Variants in RNF212 observed in about 807,000 individuals in gnomAD.
RNF212 encodes the protein probable E3 SUMO-protein ligase RNF212.
Under a neutral mutation model 34.7 loss-of-function variants are expected in RNF212, and 33 were observed. That is an observed-to-expected ratio of 0.95 (90% CI 0.72 to 1.27). The LOEUF (loss-of-function observed/expected upper bound fraction) is 1.27, where lower values mean the gene tolerates loss of function less well. Ranked by LOEUF, RNF212 falls within the 50% of genes most tolerant of loss-of-function variation. The pLI, the probability that RNF212 is intolerant of heterozygous loss-of-function variation, is 0.00. For missense variants in RNF212, 377 were observed against 362.2 expected (o/e 1.04, Z -0.33); for synonymous variants, 140 against 136.1 (o/e 1.03, Z -0.20).
At chr4:1,062,411 C>T (rs10902752) in intron 3 of RNF212, among the ~76,000 whole-genome samples, 123,147 of 151,894 alleles carry the variant, frequency 0.81, 50,631 homozygotes, top group African/African-American at 0.94. Context: ...AGAACAAAAC[C>T]CAATAATCAT....
At chr4:1,059,116 C>T (rs1297104335) in intron 3 of RNF212, among the ~76,000 whole-genome samples, 4 of 152,238 alleles carry the variant, frequency 2.6e-5, no homozygotes, top group African/African-American at 9.6e-5. Flanking sequence ...AGCGCAGTGA[C>T]TGTGACTGGC....
rs760557659 is a variant in RNF212, at chr4:1,113,509, C to T, written c.-45G>A. 5.5e-5 allele frequency: 85 copies of T among 1,542,046 alleles called. 1 individual carries two copies. Among genetic ancestry groups the T allele is most frequent in the South Asian group, 2.1e-4 (18 of 87,092 alleles). On this transcript the variant is annotated 5_prime_UTR_variant, in exon 1 of 10. Transcript: ENST00000433731. ...CGGCGAGGCCGGGCCCACGCGAAGC[C>T]CACGCAAGGTTGGGACCAGCCTCCC...
chr4:1,079,136 CCAACACAGGGT>C (rs1351736018), intron 8 of RNF212, among the ~76,000 whole-genome samples: 12 of 151,518 alleles, frequency 7.9e-5, no homozygotes, highest in South Asian at 2.1e-4. Flanking sequence ...CAACATAGGA[CCAACACAGGGT>C]CAACACAGGA....
At chr4:1,105,215 C>T (rs750880705) in intron 2 of RNF212, among the ~76,000 whole-genome samples, 39 of 152,176 alleles carry the variant, frequency 2.6e-4, no homozygotes, top group Non-Finnish European at 4.0e-4. Context: ...GTGTAAAAAC[C>T]GGCCCGGTCT....
intron 5 of RNF212, among the ~76,000 whole-genome samples, chr4:1,083,093 G>A (rs761862843): frequency 5.9e-5 from 9 of 152,196 alleles, no homozygotes; most frequent in African/African-American, 1.7e-4. Context: ...AAATGCAGGC[G>A]ATACCAGGTA....
chr4:1,100,181 T>C, intron 2 of RNF212: 1 of 314,976 alleles, frequency 3.2e-6, no homozygotes, highest in Non-Finnish European at 6.2e-6. Flanking sequence ...TTCAGAATCG[T>C]ACCAGGCTTA....
At chr4:1,085,486 T>C (rs1343341625) in intron 5 of RNF212, among the ~76,000 whole-genome samples, 1 of 152,194 alleles carries the variant, frequency 6.6e-6, no homozygotes, top group African/African-American at 2.4e-5. Context: ...ATGCCACATA[T>C]ATGTACCTTT....
In RNF212 at chr4:1,110,090, T is replaced by C. The variant is rs115207016; in HGVS notation, c.110-1686A>G. ...GCAGTAAAAGATTAACAGAGCCGACTCATAAAAATCGAAAAGTTCTTACAA... is the reference window on the plus strand; with the variant it reads ...GCAGTAAAAGATTAACAGAGCCGACCCATAAAAATCGAAAAGTTCTTACAA... On this transcript the variant is annotated intron_variant, in intron 1 of 9. Transcript: ENST00000433731. Among the ~76,000 whole-genome samples the C allele has an allele frequency of 1.7e-3, 256 of 152,262 alleles. 2 individuals carry two copies. The highest frequency in any genetic ancestry group is 0.014 in the Middle Eastern group (4 of 294).
intron 8 of RNF212, among the ~76,000 whole-genome samples, chr4:1,078,178 G>A (rs556253767): frequency 6.6e-6 from 1 of 152,310 alleles, no homozygotes; most frequent in African/African-American, 2.4e-5. Flanking sequence ...CGCACAACCC[G>A]AAGCAACACA....
chr4:1,099,530 C>T (rs532659346), intron 2 of RNF212, among the ~76,000 whole-genome samples: 16 of 152,102 alleles, frequency 1.1e-4, no homozygotes, highest in Non-Finnish European at 2.1e-4. Flanking sequence ...GAAGGGGGAT[C>T]GGTGAGAGCT....
downstream of RNF212, among the ~76,000 whole-genome samples, chr4:1,069,280 A>G (rs1297183355): frequency 1.3e-5 from 2 of 152,214 alleles, no homozygotes; most frequent in African/African-American, 4.8e-5. Context: ...TGAATTGGGT[A>G]AAAGAAAAAG....
At chr4:1,092,982 G>A (rs1332600703) in intron 3 of RNF212, among the ~76,000 whole-genome samples, 11 of 67,996 alleles carry the variant, frequency 1.6e-4, no homozygotes, top group African/African-American at 2.9e-4. Flanking sequence ...TCCAAACTAC[G>A]CCAGGACCAG....
At chr4:1,056,700 A>T in intron 4 of RNF212, 1 of 499,046 alleles carries the variant, frequency 2.0e-6, no homozygotes, top group Non-Finnish European at 2.6e-6. Context: ...CTGAACAACT[A>T]AGGCAAAACT....
chr4:1,061,877 T>C (rs187653233), intron 3 of RNF212, among the ~76,000 whole-genome samples: 28 of 152,306 alleles, frequency 1.8e-4, no homozygotes, highest in African/African-American at 5.8e-4. Context: ...GTTGTCCAGA[T>C]TGCAGCCCCA....
intron 4 of RNF212, chr4:1,056,633 T>C (rs1177393693): frequency 6.7e-6 from 3 of 447,136 alleles, no homozygotes; most frequent in Admixed American, 1.3e-4. Flanking sequence ...TATCAATATG[T>C]TTAAGTCATA....
At chr4:1,061,957 C>G (rs747898462) in intron 3 of RNF212, among the ~76,000 whole-genome samples, 1 of 152,176 alleles carries the variant, frequency 6.6e-6, no homozygotes, top group Non-Finnish European at 1.5e-5. Flanking sequence ...CAGAGGCCCA[C>G]GCTGTGCGGC....
At chr4:1,094,871 GT>G (rs1466051903) in intron 3 of RNF212, among the ~76,000 whole-genome samples, 1 of 152,202 alleles carries the variant, frequency 6.6e-6, no homozygotes. Context: ...TTGTCTCAAT[GT>G]GACACCAAAA....
At chr4:1,065,667 T>C (rs901752669) in intron 3 of RNF212, among the ~76,000 whole-genome samples, 2 of 151,756 alleles carry the variant, frequency 1.3e-5, no homozygotes, top group African/African-American at 4.8e-5. Flanking sequence ...CCCAGGCTGG[T>C]CTGGAACTCC....
intron 3 of RNF212, among the ~76,000 whole-genome samples, chr4:1,063,778 G>T (rs923600206): frequency 6.6e-6 from 1 of 151,952 alleles, no homozygotes; most frequent in Non-Finnish European, 1.5e-5. Flanking sequence ...GGAGGCTGAG[G>T]TGGGAGGATT....
Sources: gnomAD v4.1 joint callset for allele counts (sites outside exome capture counted in the v4.1 genomes callset) on GRCh38, gnomAD v4.1.1 for gene constraint, MANE v1.5 for transcripts, NCBI Gene and HGNC (gene_info 2026-07-23, HGNC 2026-07-21) for gene names.